FAM170A: variants seen among roughly 807,000 people sequenced by gnomAD.
FAM170A encodes the protein family with sequence similarity 170 member A.
FAM170A carries 28 observed loss-of-function variants against 36.6 expected under a neutral mutation model. That is an observed-to-expected ratio of 0.76 (90% confidence interval 0.57 to 1.05). The LOEUF (loss-of-function observed/expected upper bound fraction) is 1.05. Among genes scored for constraint, FAM170A ranks in the 50% least tolerant of loss-of-function variants. FAM170A has a pLI of 0.00. For missense variants in FAM170A, 434 were observed against 396.5 expected (o/e 1.09, Z -0.80); for synonymous variants, 156 against 143.9 (o/e 1.08, Z -0.60).
exon 1 of FAM170A, chr5:119,629,831 G>A: frequency 6.2e-7 from 1 of 1,613,336 alleles, no homozygotes; most frequent in Non-Finnish European, 8.5e-7. Context: ...CCGCTGAGAA[G>A]GGAGGAGGTA....
chr5:119,635,394 G>T (rs534987727), intron 4 of FAM170A, among the ~76,000 whole-genome samples: 2 of 152,198 alleles, frequency 1.3e-5, no homozygotes, highest in African/African-American at 4.8e-5. Context: ...AGGACAGGAT[G>T]CCAGCAAGAT....
At chr5:119,633,505 C>G (rs1324131961) in intron 2 of FAM170A, among the ~76,000 whole-genome samples, 1 of 152,010 alleles carries the variant, frequency 6.6e-6, no homozygotes, top group Non-Finnish European at 1.5e-5. Context: ...TTCCTCAGCC[C>G]AGGCCTCCAG....
chr5:119,632,806 C>A (rs1391715578), exon 2 of FAM170A: 1 of 1,613,118 alleles, frequency 6.2e-7, no homozygotes, highest in Admixed American at 1.7e-5. Context: ...TGGCCAAAGG[C>A]TGGAGCCAAG....
chr5:119,630,321 ATTTTTTT>A lies in FAM170A; in HGVS notation c.70+500_70+506del, dbSNP rs10603530. 1.9e-3 allele frequency among the ~76,000 whole-genome samples: 220 copies of A among 118,390 alleles called. 3 individuals carry two copies. The highest frequency in any genetic ancestry group is 6.7e-3 in the Admixed American group (78 of 11,602). 77.7% of individuals were successfully genotyped at this position (118,390 alleles called of 152,430 possible). Reference sequence around the variant, plus strand: ...AGGCGCCCGCCACCACGCCTGGCTAATTTTTTTTTTTTTTTTTTTTTTTGTATTTGTA... The same window carrying A: ...AGGCGCCCGCCACCACGCCTGGCTAATTTTTTTTTTTTTTTTGTATTTGTA... On this transcript the variant is annotated intron_variant, in intron 1 of 4. Transcript: ENST00000613773.
At chr5:119,629,688 G>T in exon 1 of FAM170A, 1 of 1,054,742 alleles carries the variant, frequency 9.5e-7, no homozygotes, top group Non-Finnish European at 1.4e-6. Context: ...TGAATTTCCT[G>T]AGAGCCAAGA....
intron 4 of FAM170A, among the ~76,000 whole-genome samples, 165 bp from the exon 5 acceptor site, chr5:119,635,535 A>T (rs942847575): frequency 2.0e-5 from 3 of 152,186 alleles, no homozygotes; most frequent in African/African-American, 7.2e-5. Context: ...AGAGAACTGG[A>T]AATGTTTCAG....
chr5:119,629,750 A>T, exon 1 of FAM170A: 2 of 1,607,274 alleles, frequency 1.2e-6, no homozygotes, highest in Non-Finnish European at 1.7e-6. Flanking sequence ...ATCTTCTAGA[A>T]ACTCTTCTAG....
intron 2 of FAM170A, 42 bp downstream of exon 2, chr5:119,632,930 T>G: frequency 6.6e-7 from 1 of 1,520,916 alleles, no homozygotes. Flanking sequence ...TCCTTGGCTG[T>G]GGGGTTCATT....
At chr5:119,632,699 C>G in intron 1 of FAM170A, 49 bp from the exon 2 acceptor site, 2 of 1,466,888 alleles carry the variant, frequency 1.4e-6, no homozygotes, top group African/African-American at 2.8e-5. Flanking sequence ...AAATGATGCA[C>G]AAACATTACC....
chr5:119,634,940 G>T lies in FAM170A; in HGVS notation c.987-91G>T. 1.9e-6 allele frequency: 3 copies of T among 1,543,882 alleles called. No homozygotes were observed. The South Asian group carries it at 3.4e-5, about 18-fold the overall frequency. On this transcript the variant is annotated intron_variant, in intron 3 of 4. Transcript: ENST00000613773. ...TCGATTGTAAGTCAGGATTTGTCTT[G>T]ACCTTTCCAGCTCCTGCAGGAAATT...
At chr5:119,632,932 G>A (rs1054037417) in intron 2 of FAM170A, 44 bp downstream of exon 2, 2 of 1,521,594 alleles carry the variant, frequency 1.3e-6, no homozygotes, top group African/African-American at 2.8e-5. Flanking sequence ...CTTGGCTGTG[G>A]GGTTCATTGG....
chr5:119,629,774 A>G (rs771082205), exon 1 of FAM170A: 3 of 1,613,314 alleles, frequency 1.9e-6, no homozygotes, highest in Non-Finnish European at 8.5e-7. Context: ...ATATCATGAA[A>G]CGACGACAAA....
At chr5:119,635,164 T>G (rs1391134451) in intron 4 of FAM170A, 78 bp downstream of exon 4, 5 of 1,014,700 alleles carry the variant, frequency 4.9e-6, no homozygotes, top group African/African-American at 3.2e-5. Context: ...GCTGCAGGGA[T>G]GCACTGGGTC....
intron 4 of FAM170A, among the ~76,000 whole-genome samples, chr5:119,635,438 G>A (rs1388818095): frequency 2.0e-5 from 3 of 152,202 alleles, no homozygotes; most frequent in Non-Finnish European, 4.4e-5. Flanking sequence ...TTTGGCCTGA[G>A]CTGGGATCCC....
chr5:119,634,304 G>A (rs773805791), exon 3 of FAM170A: 3 of 1,614,166 alleles, frequency 1.9e-6, no homozygotes, highest in Non-Finnish European at 2.5e-6. Flanking sequence ...GTCTGACAGT[G>A]AGCCCAGTGG....
At chr5:119,630,032 C>T (rs113665724) in intron 1 of FAM170A, among the ~76,000 whole-genome samples, 194 bp downstream of exon 1, 116 of 138,336 alleles carry the variant, frequency 8.4e-4, no homozygotes, top group Middle Eastern at 5.3e-3. Context: ...GCTGGGACTA[C>T]AGGTGCCCAC....
chr5:119,630,833 G>T (rs988119883), intron 1 of FAM170A, among the ~76,000 whole-genome samples: 1 of 152,220 alleles, frequency 6.6e-6, no homozygotes, highest in Non-Finnish European at 1.5e-5. Flanking sequence ...TCTATGATTT[G>T]CACTACACCT....
chr5:119,635,740 C>A (rs1484233854), exon 5 of FAM170A: 1 of 154,404 alleles, frequency 6.5e-6, no homozygotes, highest in African/African-American at 2.4e-5. Context: ...GACAGGCTGC[C>A]CAAGGTATGA....
intron 2 of FAM170A, among the ~76,000 whole-genome samples, chr5:119,633,193 G>T (rs578224613): frequency 6.6e-6 from 1 of 152,286 alleles, no homozygotes; most frequent in Admixed American, 6.5e-5. Flanking sequence ...ATGGGATTGG[G>T]TGCAGGGCTC....
Sources: allele counts gnomAD v4.1 joint callset (sites outside exome capture counted in the v4.1 genomes callset), GRCh38; gene constraint gnomAD v4.1.1; transcripts MANE v1.5; gene names NCBI Gene and HGNC (gene_info 2026-07-23, HGNC 2026-07-21).